PRPF40B: variants seen among roughly 807,000 people sequenced by gnomAD.
The protein encoded by PRPF40B is pre-mRNA processing factor 40B, also known as pre-mRNA-processing factor 40 homolog B.
A neutral mutation model predicts 124.5 loss-of-function variants in PRPF40B; 56 were observed. The ratio of observed to expected loss-of-function variants is 0.45; its 90% CI spans 0.36 to 0.56. PRPF40B has a LOEUF of 0.56. Among genes scored for constraint, PRPF40B ranks in the 20% least tolerant of loss-of-function variants. PRPF40B has a pLI of 0.00. For missense variants in PRPF40B, 1,053 were observed against 1,169.5 expected, an observed-to-expected ratio of 0.90 and a Z score of 1.45; for synonymous variants, 443 against 426.4, an observed-to-expected ratio of 1.04 and a Z score of -0.48.
In PRPF40B at chr12:49,637,558, G is replaced by A. The variant is rs767137725; in HGVS notation, c.1649G>A (p.Arg550His). Residue 550 changes from arginine (R) to histidine (H), a missense_variant, in exon 17 of 26, where the codon CGC becomes CAC. Physicochemically the swap from Arg to His is conservative, Grantham distance 29. This residue lies in a region of PRPF40B where 895 missense variants were observed against 1,052.2 expected (regional missense o/e 0.85). Coordinates refer to ENST00000548825, the MANE Select transcript of PRPF40B (RefSeq NM_001031698.3). Reference sequence around the variant, plus strand: ...TATCCAGCAGTCAGCACTGATGTCCGCTTTGCCAACATGCTGGGCCAGCCG... The same window carrying A: ...TATCCAGCAGTCAGCACTGATGTCCACTTTGCCAACATGCTGGGCCAGCCG... Reference protein sequence around the residue: ...ELYPAVSTDVRFANMLGQPGS... With the variant: ...ELYPAVSTDVHFANMLGQPGS... The A allele has an allele frequency of 7.4e-6, 12 of 1,613,608 alleles. No homozygotes were observed. Among genetic ancestry groups the A allele is most frequent in the Non-Finnish European group, 9.3e-6 (11 of 1,180,022 alleles).
In PRPF40B at chr12:49,643,297, A is replaced by T. The variant is rs1419957635; in HGVS notation, c.2280A>T (p.Ser760=). 3 of 1,613,240 alleles carry T rather than the reference A, an allele frequency of 1.9e-6. No homozygotes were observed. Among genetic ancestry groups the T allele is most frequent in the Non-Finnish European group, 2.5e-6 (3 of 1,179,752 alleles). Reference sequence around the variant, plus strand: ...CCAAGCGGAGGAGGCGGAACCCCTCAGAGTCAGGCTCTGAGCCCTCTTCCT... The same window carrying T: ...CCAAGCGGAGGAGGCGGAACCCCTCTGAGTCAGGCTCTGAGCCCTCTTCCT... ...RPPKRRRRNP[S]ESGSEPSSSL... is the part of the protein sequence containing the mutation. Residue 760 remains serine, a synonymous_variant, in exon 23 of 26, where the codon TCA becomes TCT. Coordinates refer to ENST00000548825, the MANE Select transcript of PRPF40B (RefSeq NM_001031698.3).
In PRPF40B at chr12:49,631,585, CAGTTTAGCTGGGGGTGG is replaced by C; in HGVS notation, c.228+44_228+60del. On this transcript the variant is annotated intron_variant, in intron 3 of 25. Transcript: ENST00000548825. This position sits in a 1 kb window ranked among gnomAD's most constrained non-coding sequence, Gnocchi z 4.3. ...CCCCTGGGGCCTCAGAAAACCCTGT[CAGTTTAGCTGGGGGTGG>C]AGATAAGAGCGGGCATGTAGGCCTC... is the stretch of plus-strand genomic sequence containing the variant. 6.5e-7 allele frequency: 1 copy of C among 1,531,042 alleles called. No homozygotes were observed. Among genetic ancestry groups the C allele is most frequent in the Non-Finnish European group, 8.8e-7 (1 of 1,141,926 alleles). The allele number at this position is 1,531,042 out of a possible 1,614,324, so 94.8% of individuals were successfully genotyped here.
intron 18 of PRPF40B, chr12:49,640,607 TGGC>T (rs1942499640): frequency 6.6e-6 from 1 of 152,242 alleles, no homozygotes; most frequent in Non-Finnish European, 1.5e-5. Context: ...GGTTGCTTAT[TGGC>T]TCTGAGACCT....
intron 18 of PRPF40B, 114 bp from the exon 19 acceptor site, chr12:49,641,793 TG>T (rs1488466661): frequency 2.0e-5 from 16 of 807,168 alleles, no homozygotes; most frequent in Non-Finnish European, 3.3e-5. Context: ...CACAGTCCTG[TG>T]GATCTCTTCC....
At chr12:49,639,805 T>C (rs1315332080) in intron 18 of PRPF40B, 3 of 152,216 alleles carry the variant, frequency 2.0e-5, no homozygotes, top group Non-Finnish European at 4.4e-5. Context: ...GATGGCACTA[T>C]TGATAAGGAT....
chr12:49,637,129 C>G, intron 16 of PRPF40B: 1 of 581,144 alleles, frequency 1.7e-6, no homozygotes, highest in Non-Finnish European at 3.0e-6. Flanking sequence ...GTTTATTTCC[C>G]TTGGTGGGGC....
chr12:49,633,543 AGAGGGT>A lies in PRPF40B; in HGVS notation c.580_580+5del. 1 of 1,614,226 alleles carries A rather than the reference AGAGGGT, an allele frequency of 6.2e-7. No homozygotes were observed. The highest frequency in any genetic ancestry group is 8.5e-7 in the Non-Finnish European group (1 of 1,180,036). On this transcript the variant is annotated splice_donor_variant and coding_sequence_variant, in exon 8 of 26. Transcript: ENST00000548825. LOFTEE classifies it high-confidence loss of function. Reference sequence around the variant, plus strand: ...CCCGGCCCAAGGATCTGGATGACCTAGAGGGTGAGATGTCCTACGGGTGGGCCAGGT... The same window carrying A: ...CCCGGCCCAAGGATCTGGATGACCTAGAGATGTCCTACGGGTGGGCCAGGT...
In PRPF40B at chr12:49,635,112, C is replaced by T; in HGVS notation, c.1015C>T (p.Leu339=). The change falls in exon 13 of 26, where the codon CTG becomes TTG. Residue 339 remains leucine (L), a synonymous_variant. Coordinates refer to ENST00000548825, the MANE Select transcript of PRPF40B (RefSeq NM_001031698.3). The surrounding 1 kb of genome is among the most constrained non-coding windows in gnomAD (Gnocchi z 4.1). ...TDPRYSALPK[L]SEKKQAFNAY... ...CCTCTATCCCAGTGCCTTGCCTAAA[C>T]TGAGTGAGAAAAAGCAGGCATTCAA... is the stretch of plus-strand genomic sequence containing the variant. 1.2e-6 allele frequency: 2 copies of T among 1,613,002 alleles called. No homozygotes were observed. The highest frequency in any genetic ancestry group is 1.1e-5 in the South Asian group (1 of 91,010).
intron 1 of PRPF40B, 197 bp downstream of exon 1, chr12:49,623,790 G>A (rs1281819038): frequency 1.1e-5 from 13 of 1,178,492 alleles, no homozygotes; most frequent in Non-Finnish European, 1.3e-5. Context: ...GGCGGGGGAG[G>A]CCATGATGGA....
intron 16 of PRPF40B, 188 bp downstream of exon 16, chr12:49,637,037 T>C: frequency 1.2e-6 from 1 of 865,522 alleles, no homozygotes; most frequent in Non-Finnish European, 1.7e-6. Flanking sequence ...GACTGTGCTC[T>C]TCTAGGGAGA....
At chr12:49,641,834 A>T in intron 18 of PRPF40B, 74 bp from the exon 19 acceptor site, 2 of 1,265,386 alleles carry the variant, frequency 1.6e-6, no homozygotes, top group Non-Finnish European at 2.3e-6. Flanking sequence ...ACCATCTGTA[A>T]TGTGACCACT....
At position 49,644,082 on chromosome 12, in the gene PRPF40B, G is replaced by C; in HGVS notation, c.2587-18G>C. 6.2e-7 allele frequency: 1 copy of C among 1,614,210 alleles called. No individual in the cohort carries two copies. Among genetic ancestry groups the C allele is most frequent in the Non-Finnish European group, 8.5e-7 (1 of 1,180,038 alleles). ...CCTTAGTGCAGGCTAAGGGTGAACT[G>C]TGCCTTTGCTCCAACAGACAGGCTG... On this transcript the variant is annotated intron_variant, in intron 25 of 25. Coordinates refer to ENST00000548825, the MANE Select transcript of PRPF40B (RefSeq NM_001031698.3).
Position 49,635,932 on chromosome 12 carries a change from G to A in PRPF40B, c.1365G>A (p.Trp455Ter). 6.2e-7 allele frequency: 1 copy of A among 1,614,082 alleles called. No individual in the cohort carries two copies. Among genetic ancestry groups the A allele is most frequent in the Non-Finnish European group, 8.5e-7 (1 of 1,179,994 alleles). The change falls in exon 15 of 26, where the codon TGG becomes TGA. Residue 455 changes from tryptophan to a stop codon, truncating the protein, a stop_gained. Transcript: ENST00000548825. LOFTEE classifies it high-confidence loss of function. This position sits in a 1 kb window ranked among gnomAD's most constrained non-coding sequence, Gnocchi z 4.1. The stretch of plus-strand genomic sequence containing the variant: ...GTAGTGTCAACTTCCAAACCACGTG[G>A]TCCCAGGCCCAGCAGTACCTCATGG... ...GMSSVNFQTT[W>*]SQAQQYLMDN...
chr12:49,631,814 C>T lies in PRPF40B; in HGVS notation c.229-46C>T, dbSNP rs765008162. On this transcript the variant is annotated intron_variant, in intron 3 of 25. Transcript: ENST00000548825. The surrounding 1 kb of genome is among the most constrained non-coding windows in gnomAD (Gnocchi z 4.3). Reference sequence around the variant, plus strand: ...TTGAGGTACCCTGTCCCTCCTGTTCCAGCCCTTACCTTGGTGGTTGGTTTC... The same window carrying T: ...TTGAGGTACCCTGTCCCTCCTGTTCTAGCCCTTACCTTGGTGGTTGGTTTC... The T allele has an allele frequency of 6.4e-7, 1 of 1,574,234 alleles. No individual in the cohort carries two copies. Among genetic ancestry groups the T allele is most frequent in the Non-Finnish European group, 8.7e-7 (1 of 1,144,602 alleles).
upstream of PRPF40B, chr12:49,622,821 G>A (rs774690861): frequency 5.9e-5 from 9 of 152,278 alleles, no homozygotes; most frequent in African/African-American, 9.6e-5. Context: ...CGTGTGCCTG[G>A]GGCCTGTCAC....
intron 9 of PRPF40B, 62 bp from the exon 10 acceptor site, chr12:49,633,824 A>T: frequency 6.2e-7 from 1 of 1,608,688 alleles, no homozygotes; most frequent in East Asian, 2.2e-5. Flanking sequence ...GAAACCAGCC[A>T]GCCCCTGAAG....
chr12:49,631,580 CCT>C lies in PRPF40B; in HGVS notation c.228+37_228+38del, dbSNP rs777061159. 2.6e-6 allele frequency: 4 copies of C among 1,534,556 alleles called. No homozygotes were observed. In the South Asian group the frequency reaches 5.1e-5, roughly 20 times the overall value. On this transcript the variant is annotated intron_variant, in intron 3 of 25. Coordinates refer to ENST00000548825, the MANE Select transcript of PRPF40B (RefSeq NM_001031698.3). The surrounding 1 kb of genome is among the most constrained non-coding windows in gnomAD (Gnocchi z 4.3). ...CTCCTCCCCTGGGGCCTCAGAAAAC[CCT>C]GTCAGTTTAGCTGGGGGTGGAGATA...
In PRPF40B at chr12:49,635,486, G is replaced by C; in HGVS notation, c.1275+13G>C. Reference sequence around the variant, plus strand: ...CAAGAAGGAGAAGGTAATGGTCCCTGGGCAGAATCCTTCAGCCCATCTCAT... The same window carrying C: ...CAAGAAGGAGAAGGTAATGGTCCCTCGGCAGAATCCTTCAGCCCATCTCAT... On this transcript the variant is annotated intron_variant, in intron 14 of 25. Transcript: ENST00000548825. The surrounding 1 kb of genome is among the most constrained non-coding windows in gnomAD (Gnocchi z 4.1). 1 of 1,605,916 alleles carries C rather than the reference G, an allele frequency of 6.2e-7. No homozygotes were observed.
rs1942739916 is a variant in PRPF40B at position 49,642,048 on chromosome 12, G to A, written c.1884+24G>A. Reference sequence around the variant, plus strand: ...GTGTGAGGGGCTGGGCGGGGCGTGGGAAGTTCTCTAATTCATCTGTGTCTT... The same window carrying A: ...GTGTGAGGGGCTGGGCGGGGCGTGGAAAGTTCTCTAATTCATCTGTGTCTT... On this transcript the variant is annotated intron_variant, in intron 19 of 25. Transcript: ENST00000548825. This position sits in a 1 kb window ranked among gnomAD's most constrained non-coding sequence, Gnocchi z 5.8. 6.2e-7 allele frequency: 1 copy of A among 1,607,798 alleles called. No homozygotes were observed. The highest frequency in any genetic ancestry group is 8.5e-7 in the Non-Finnish European group (1 of 1,177,246).
Sources: allele counts gnomAD v4.1 joint callset, GRCh38; gene constraint gnomAD v4.1.1; regional missense constraint gnomAD v4.1.1; non-coding constraint Gnocchi (gnomAD v3.1); transcripts MANE v1.5; gene names NCBI Gene and HGNC (gene_info 2026-07-23, HGNC 2026-07-21).